Variants in POU6F2 observed in about 807,000 individuals in gnomAD.
The protein encoded by POU6F2 is POU class 6 homeobox 2.
A neutral mutation model predicts 71.3 loss-of-function variants in POU6F2; 31 were observed. That is an observed-to-expected ratio of 0.43 (90% CI 0.33 to 0.59). POU6F2 has a LOEUF of 0.59. Among genes scored for constraint, POU6F2 ranks in the 20% least tolerant of loss-of-function variants. POU6F2 has a pLI of 0.04. For missense variants in POU6F2, 783 were observed against 856.8 expected, an observed-to-expected ratio of 0.91 and a Z score of 1.07; for synonymous variants, 347 against 355.7, an observed-to-expected ratio of 0.98 and a Z score of 0.27.
rs539698138 is a variant in POU6F2, at chr7:39,225,968, G to GT, written c.598+18350dup. On this transcript the variant is annotated intron_variant, in intron 4 of 9. Transcript: ENST00000518318. ...GAATTAATTCCTTTAAAAAAAAAAG[G>GT]TTGTTTTTTTTTAAAAAAAACCAAC... is the stretch of plus-strand genomic sequence containing the variant. Among the ~76,000 whole-genome samples, 255 of 147,382 alleles carry GT rather than the reference G, an allele frequency of 1.7e-3. 2 individuals are homozygous for GT. The South Asian group carries it at 0.021, about 12-fold the overall frequency.
intron 1 of POU6F2, among the ~76,000 whole-genome samples, chr7:39,019,552 C>T (rs929689006): frequency 1.3e-5 from 2 of 151,980 alleles, no homozygotes; most frequent in African/African-American, 2.4e-5. Flanking sequence ...TGCTCACATT[C>T]CTTTTCTTAG....
At chr7:39,386,094 G>A (rs1156626561) in intron 5 of POU6F2, among the ~76,000 whole-genome samples, 6 of 149,244 alleles carry the variant, frequency 4.0e-5, no homozygotes, top group Admixed American at 2.7e-4. Flanking sequence ...CTCCAGCCTG[G>A]GCAACAGAGC....
At chr7:39,178,478 G>A (rs1471388051) in intron 2 of POU6F2, among the ~76,000 whole-genome samples, 1 of 152,020 alleles carries the variant, frequency 6.6e-6, no homozygotes, top group Non-Finnish European at 1.5e-5. Flanking sequence ...ATTATATTAA[G>A]AGTAATAACA....
At chr7:39,348,572 G>A (rs939419793) in intron 5 of POU6F2, among the ~76,000 whole-genome samples, 1 of 152,196 alleles carries the variant, frequency 6.6e-6, no homozygotes, top group African/African-American at 2.4e-5. Flanking sequence ...AACAACGGCT[G>A]AATTGGGATT....
At chr7:39,196,975 TCA>T (rs1437026616) in intron 2 of POU6F2, among the ~76,000 whole-genome samples, 2 of 152,190 alleles carry the variant, frequency 1.3e-5, no homozygotes, top group African/African-American at 2.4e-5. Context: ...GGCTGCAGTC[TCA>T]CAGAGCCCGG....
chr7:39,444,915 G>T (rs1788487488), intron 7 of POU6F2, among the ~76,000 whole-genome samples: 1 of 152,080 alleles, frequency 6.6e-6, no homozygotes, highest in South Asian at 2.1e-4. Context: ...TTAAGGCAGG[G>T]AGAGAAAAAT....
At chr7:39,410,794 T>C (rs1477442517) in intron 6 of POU6F2, among the ~76,000 whole-genome samples, 2 of 152,200 alleles carry the variant, frequency 1.3e-5, no homozygotes, top group Non-Finnish European at 2.9e-5. Context: ...TTTTGACTCA[T>C]AGTTTCCGGA....
intron 4 of POU6F2, among the ~76,000 whole-genome samples, chr7:39,303,894 TAAC>T (rs1020950733): frequency 1.3e-5 from 2 of 152,236 alleles, no homozygotes; most frequent in Non-Finnish European, 1.5e-5. Flanking sequence ...TATAATTTCT[TAAC>T]AAAATTATTA....
chr7:39,425,591 A>T (rs142156499), intron 6 of POU6F2, among the ~76,000 whole-genome samples: 160 of 152,360 alleles, frequency 1.1e-3, no homozygotes, highest in African/African-American at 2.9e-3. Flanking sequence ...AAACTTCAAC[A>T]ATCAGTATTA....
chr7:39,248,953 C>A (rs1485330093), intron 4 of POU6F2, among the ~76,000 whole-genome samples: 1 of 152,088 alleles, frequency 6.6e-6, no homozygotes, highest in African/African-American at 2.4e-5. Flanking sequence ...CATGGCTCAC[C>A]CCCAAGGAGC....
At chr7:39,098,620 G>A (rs1464960945) in intron 2 of POU6F2, among the ~76,000 whole-genome samples, 5 of 152,178 alleles carry the variant, frequency 3.3e-5, no homozygotes, top group Admixed American at 3.3e-4. Context: ...AGGCTCTGGA[G>A]TCAGGTTGTG....
intron 4 of POU6F2, among the ~76,000 whole-genome samples, chr7:39,266,684 C>CCG (rs1218798508): frequency 7.3e-6 from 1 of 137,648 alleles, no homozygotes; most frequent in Non-Finnish European, 1.5e-5. Flanking sequence ...GCATGAGCCA[C>CCG]CGCACCTGGC....
intron 2 of POU6F2, among the ~76,000 whole-genome samples, chr7:39,168,582 T>C (rs1250717395): frequency 2.0e-5 from 3 of 152,208 alleles, no homozygotes; most frequent in Non-Finnish European, 4.4e-5. Context: ...TCCCCACCTC[T>C]GGCCTGACGT....
chr7:39,354,277 A>T (rs1359643525), intron 5 of POU6F2, among the ~76,000 whole-genome samples: 1 of 152,154 alleles, frequency 6.6e-6, no homozygotes, highest in East Asian at 1.9e-4. Flanking sequence ...TGTTTTTTCC[A>T]TTTAACCTCC....
chr7:39,250,876 T>A (rs1783903275), intron 4 of POU6F2, among the ~76,000 whole-genome samples: 1 of 152,198 alleles, frequency 6.6e-6, no homozygotes, highest in South Asian at 2.1e-4. Context: ...CAGTAAAAAA[T>A]CACGGTGCCA....
intron 1 of POU6F2, among the ~76,000 whole-genome samples, chr7:39,065,360 A>T (rs1480876376): frequency 1.3e-5 from 2 of 151,896 alleles, no homozygotes; most frequent in East Asian, 3.9e-4. Flanking sequence ...CATGAATATG[A>T]TAATTCACAA....
chr7:39,216,434 G>A (rs996789445), intron 4 of POU6F2, among the ~76,000 whole-genome samples: 2 of 152,106 alleles, frequency 1.3e-5, no homozygotes, highest in South Asian at 4.1e-4. Context: ...TAGCAAATTA[G>A]GGCATACGAA....
At chr7:39,056,282 T>A (rs551581997) in intron 1 of POU6F2, among the ~76,000 whole-genome samples, 38 of 152,194 alleles carry the variant, frequency 2.5e-4, no homozygotes, top group Non-Finnish European at 4.3e-4. Context: ...GACAATTTTT[T>A]AAATTTTTCC....
intron 2 of POU6F2, among the ~76,000 whole-genome samples, chr7:39,143,785 G>A (rs1447319282): frequency 1.3e-5 from 2 of 152,198 alleles, no homozygotes; most frequent in African/African-American, 4.8e-5. Flanking sequence ...GAACTTTATT[G>A]AGGATCTGGA....
Sources: gnomAD v4.1 joint callset for allele counts (sites outside exome capture counted in the v4.1 genomes callset) on GRCh38, gnomAD v4.1.1 for gene constraint, MANE v1.5 for transcripts, NCBI Gene and HGNC (gene_info 2026-07-23, HGNC 2026-07-21) for gene names.